CIT: variants seen among roughly 807,000 people sequenced by gnomAD.
CIT encodes the protein citron Rho-interacting kinase.
A neutral mutation model predicts 272.7 loss-of-function variants in CIT; 79 were observed. That is an observed-to-expected ratio of 0.29 (90% CI 0.24 to 0.35). The LOEUF is 0.35. Among genes scored for constraint, CIT ranks in the 10% least tolerant of loss-of-function variants. The pLI, the probability that CIT is intolerant of heterozygous loss-of-function variation, is 1.00. For missense variants in CIT, 1,909 were observed against 2,618.3 expected (o/e 0.73, Z 5.91); for synonymous variants, 948 against 995.6 (o/e 0.95, Z 0.90).
At chr12:119,799,561 G>A (rs940589120) in intron 10 of CIT, among the ~76,000 whole-genome samples, 1 of 152,090 alleles carries the variant, frequency 6.6e-6, no homozygotes, top group African/African-American at 2.4e-5. Context: ...AAAAATCTCT[G>A]AATCAAAAGG....
chr12:119,816,685 C>T (rs754265126), intron 9 of CIT, among the ~76,000 whole-genome samples: 56 of 152,178 alleles, frequency 3.7e-4, no homozygotes, highest in Non-Finnish European at 7.2e-4. Context: ...ACTGCCTCCA[C>T]GTAATAGTTT....
chr12:119,801,643 A>G (rs575256854), intron 10 of CIT, among the ~76,000 whole-genome samples: 1 of 152,282 alleles, frequency 6.6e-6, no homozygotes, highest in Non-Finnish European at 1.5e-5. Flanking sequence ...TGCGTGTGTC[A>G]AGGTTATACT....
intron 40 of CIT, among the ~76,000 whole-genome samples, chr12:119,705,809 G>A (rs1365027993): frequency 1.4e-5 from 2 of 143,102 alleles, no homozygotes; most frequent in Non-Finnish European, 3.0e-5. Context: ...AAAAATTTTG[G>A]CCAGGTGCAG....
Position 119,686,198 on chromosome 12 carries a change from T to G in CIT, c.*2034A>C, listed in dbSNP as rs922941109. 1 of 152,470 alleles carries G rather than the reference T, an allele frequency of 6.6e-6. No individual in the cohort carries two copies. Among genetic ancestry groups the G allele is most frequent in the Admixed American group, 6.5e-5 (1 of 15,282 alleles). 9.4% of individuals were successfully genotyped at this position (152,470 alleles called of 1,614,324 possible). On this transcript the variant is annotated 3_prime_UTR_variant, in exon 48 of 48. Transcript: ENST00000392521. ...TACAGTCTTTTGAGCTAGTTCTATA[T>G]AGCAGAAAGCAGTTCACAGATGAGA... is the stretch of plus-strand genomic sequence containing the variant.
At position 119,875,845 on chromosome 12, in the gene CIT, G is replaced by A. The variant is rs148416885; in HGVS notation, c.96+228C>T. Reference sequence around the variant, plus strand: ...AAAAAGAAAAATACAAAATTTAGCCGGGTGTGGTGGCAGGCGGCTGTAGTC... The same window carrying A: ...AAAAAGAAAAATACAAAATTTAGCCAGGTGTGGTGGCAGGCGGCTGTAGTC... On this transcript the variant is annotated intron_variant, in intron 2 of 47. Coordinates refer to ENST00000392521, the MANE Select transcript of CIT (RefSeq NM_001206999.2). 6.8e-3 allele frequency among the ~76,000 whole-genome samples: 1,042 copies of A among 152,182 alleles called. 9 individuals carry two copies. The highest frequency in any genetic ancestry group is 0.023 in the African/African-American group (972 of 41,522).
chr12:119,844,128 T>C (rs1299169604), intron 5 of CIT, among the ~76,000 whole-genome samples: 1 of 151,708 alleles, frequency 6.6e-6, no homozygotes, highest in African/African-American at 2.4e-5. Flanking sequence ...TTCAAGTGAT[T>C]CTCCTGCCTC....
Position 119,830,782 on chromosome 12 carries a change from G to A in CIT, c.753+1989C>T, listed in dbSNP as rs1968562553. On this transcript the variant is annotated intron_variant, in intron 7 of 47. Coordinates refer to ENST00000392521, the MANE Select transcript of CIT (RefSeq NM_001206999.2). ...AACAAAGAATTATTCAGATCAAAAT[G>A]TCAGTAGTGCTGAGGTTACACTGTC... Among the ~76,000 whole-genome samples the A allele has an allele frequency of 3.3e-5, 5 of 152,302 alleles. No individual in the cohort carries two copies. The South Asian group carries it at 6.2e-4, about 19-fold the overall frequency.
At chr12:119,714,726 T>C (rs905050487) in intron 32 of CIT, among the ~76,000 whole-genome samples, 6 of 152,158 alleles carry the variant, frequency 3.9e-5, no homozygotes, top group Non-Finnish European at 8.8e-5. Flanking sequence ...CACACATTCC[T>C]GGTGAGAATG....
chr12:119,763,614 A>G (rs1962081190), intron 19 of CIT, among the ~76,000 whole-genome samples: 2 of 152,214 alleles, frequency 1.3e-5, no homozygotes, highest in Non-Finnish European at 2.9e-5. Context: ...ATGCTGTGTG[A>G]GCATGTACGT....
At chr12:119,862,694 C>T (rs899467689) in intron 3 of CIT, among the ~76,000 whole-genome samples, 1 of 150,562 alleles carries the variant, frequency 6.6e-6, no homozygotes, top group African/African-American at 2.4e-5. Context: ...CCTATAATCC[C>T]AGCTACTCAG....
chr12:119,787,940 C>T (rs1444124272), intron 10 of CIT, among the ~76,000 whole-genome samples: 3 of 152,064 alleles, frequency 2.0e-5, no homozygotes, highest in South Asian at 4.1e-4. Flanking sequence ...TGCAAGTGTT[C>T]GACAAATGTC....
At position 119,712,401 on chromosome 12, in the gene CIT, G is replaced by A. The variant is rs1450807405; in HGVS notation, c.4685-54C>T. On this transcript the variant is annotated intron_variant, in intron 36 of 47. Transcript: ENST00000392521. This position sits in a 1 kb window ranked among gnomAD's most constrained non-coding sequence, Gnocchi z 5.2. ...GGTGTGGATTTCCCCCGTTCCCACT[G>A]GGAGGGACGGGCCTGAGAGATCAAA... 33 of 1,527,546 alleles carry A rather than the reference G, an allele frequency of 2.2e-5. No individual in the cohort carries two copies. Among genetic ancestry groups the A allele is most frequent in the Non-Finnish European group, 2.9e-5 (32 of 1,121,008 alleles). 94.6% of individuals were successfully genotyped at this position (1,527,546 alleles called of 1,614,324 possible). A position where few individuals can be genotyped will look rare whatever the true frequency, so the allele number is the denominator to read the frequency against.
intron 32 of CIT, among the ~76,000 whole-genome samples, chr12:119,717,105 T>C (rs1957532307): frequency 1.3e-5 from 2 of 152,236 alleles, no homozygotes; most frequent in South Asian, 2.1e-4. Flanking sequence ...CAGACTGGAA[T>C]GCAATGGCTT....
intron 9 of CIT, among the ~76,000 whole-genome samples, chr12:119,808,944 T>A (rs186076933): frequency 6.6e-6 from 1 of 152,228 alleles, no homozygotes; most frequent in Admixed American, 6.5e-5. Flanking sequence ...TGTTCAGAGG[T>A]CAAGATATGG....
Position 119,718,472 on chromosome 12 carries a change from C to T in CIT, c.4004-63G>A, listed in dbSNP as rs894333516. ...GGTCGCCTAGAGGACCAAACTAAGCCGAATGTCCCTGGGCTATCTTTCAAG... is the reference window on the plus strand; with the variant it reads ...GGTCGCCTAGAGGACCAAACTAAGCTGAATGTCCCTGGGCTATCTTTCAAG... On this transcript the variant is annotated intron_variant, in intron 31 of 47. Coordinates refer to ENST00000392521, the MANE Select transcript of CIT (RefSeq NM_001206999.2). The surrounding 1 kb of genome is among the most constrained non-coding windows in gnomAD (Gnocchi z 4.8). 44 of 1,544,308 alleles carry T rather than the reference C, an allele frequency of 2.8e-5. No homozygotes were observed. In the Middle Eastern group the frequency reaches 9.5e-4, roughly 33 times the overall value.
chr12:119,857,810 AAAGACATTCACTTTCTCATCC>A (rs1950217456), intron 3 of CIT, 112 bp from the exon 4 acceptor site: 1 of 924,180 alleles, frequency 1.1e-6, no homozygotes. Context: ...CCTCACTGTC[AAAGACATTCACTTTCTCATCC>A]ATCATGAATA....
intron 23 of CIT, among the ~76,000 whole-genome samples, chr12:119,744,371 G>A (rs901361671): frequency 6.6e-6 from 1 of 151,744 alleles, no homozygotes; most frequent in Non-Finnish European, 1.5e-5. Context: ...CCAGTTTAGG[G>A]CAGATGTAAG....
At chr12:119,794,140 T>C (rs535073711) in intron 10 of CIT, among the ~76,000 whole-genome samples, 3 of 152,192 alleles carry the variant, frequency 2.0e-5, no homozygotes, top group South Asian at 2.1e-4. Context: ...CCATCTGCAA[T>C]TGCCTCACAT....
chr12:119,855,382 C>T (rs979526904), intron 4 of CIT, among the ~76,000 whole-genome samples: 2 of 152,054 alleles, frequency 1.3e-5, no homozygotes, highest in Admixed American at 1.3e-4. Flanking sequence ...GAGATCGCAC[C>T]ACTGCACTCC....
Sources: gnomAD v4.1 joint callset for allele counts (sites outside exome capture counted in the v4.1 genomes callset) on GRCh38, gnomAD v4.1.1 for gene constraint, Gnocchi (gnomAD v3.1) non-coding constraint, MANE v1.5 for transcripts, NCBI Gene and HGNC (gene_info 2026-07-23, HGNC 2026-07-21) for gene names.